The following FAM135A variants were observed in gnomAD, a reference collection of about 807,000 sequenced individuals.
FAM135A encodes protein FAM135A.
In FAM135A, 79 loss-of-function variants were observed where a neutral mutation model predicts 146.8. The ratio of observed to expected loss-of-function variants is 0.54; its 90% CI spans 0.45 to 0.65. FAM135A has a LOEUF of 0.65. FAM135A is among the 30% of genes least tolerant of loss of function. The probability of loss-of-function intolerance (pLI) is 0.00; values close to 1 mark genes in which losing one functional copy is unlikely to be tolerated. For missense variants in FAM135A, 1,623 were observed against 1,758.2 expected (o/e 0.92, Z 1.38); for synonymous variants, 562 against 603.6 (o/e 0.93, Z 1.01).
At chr6:70,487,038 G>A (rs1341462849) in intron 10 of FAM135A, among the ~76,000 whole-genome samples, 10 of 134,920 alleles carry the variant, frequency 7.4e-5, no homozygotes, top group South Asian at 2.3e-4. Flanking sequence ...AGCCAAGATC[G>A]TGCCACTGCA....
At position 70,503,879 on chromosome 6, in the gene FAM135A, T is replaced by A. The variant is rs896875710; in HGVS notation, c.1029+1088T>A. On this transcript the variant is annotated intron_variant, in intron 12 of 21. Coordinates refer to ENST00000418814, the MANE Select transcript of FAM135A (RefSeq NM_001162529.3). The stretch of plus-strand genomic sequence containing the variant: ...CTCCATTTGAATATACCCACATTTA[T>A]TTATCCATTCTACTGTTGATAGATT... 2.0e-5 allele frequency: 3 copies of A among 152,226 alleles called. No homozygotes were observed. In the South Asian group the frequency reaches 6.2e-4, roughly 32 times the overall value. 9.4% of individuals were successfully genotyped at this position (152,226 alleles called of 1,614,324 possible).
intron 12 of FAM135A, among the ~76,000 whole-genome samples, 198 bp from the exon 13 acceptor site, chr6:70,522,315 A>G (rs781596963): frequency 1.9e-5 from 2 of 103,926 alleles, no homozygotes; most frequent in Non-Finnish European, 4.2e-5. Context: ...ATAATAGTTT[A>G]TATTTATATA....
intron 1 of FAM135A, among the ~76,000 whole-genome samples, chr6:70,414,669 C>T (rs566793653): frequency 6.6e-6 from 1 of 152,330 alleles, no homozygotes; most frequent in South Asian, 2.1e-4. Context: ...AGTTCATCTT[C>T]CAGTTTAATA....
rs1230428191 is a variant in FAM135A at position 70,502,885 on chromosome 6, A to G, written c.1029+94A>G. On this transcript the variant is annotated intron_variant, in intron 12 of 21. Transcript: ENST00000418814. ...AAACAAACCTGATTTTTACCTATAT[A>G]TTGATAAATCAGAAAAGAGACATTT... 8 of 1,252,202 alleles carry G rather than the reference A, an allele frequency of 6.4e-6. No individual in the cohort carries two copies. The South Asian group carries it at 9.9e-5, about 15-fold the overall frequency. 77.6% of individuals were successfully genotyped at this position (1,252,202 alleles called of 1,614,324 possible). A position where few individuals can be genotyped will look rare whatever the true frequency, so the allele number is the denominator to read the frequency against.
At chr6:70,501,729 G>A (rs1788595487) in intron 11 of FAM135A, among the ~76,000 whole-genome samples, 1 of 152,142 alleles carries the variant, frequency 6.6e-6, no homozygotes, top group African/African-American at 2.4e-5. Flanking sequence ...GGCTTGGGGA[G>A]GGAGGTCCCC....
intron 5 of FAM135A, among the ~76,000 whole-genome samples, chr6:70,463,199 C>T (rs1011875411): frequency 7.9e-5 from 12 of 152,054 alleles, no homozygotes; most frequent in African/African-American, 2.9e-4. Flanking sequence ...TTTTTAAAAC[C>T]GTAGGTAACT....
chr6:70,529,132 T>G (rs1455538880), intron 16 of FAM135A, among the ~76,000 whole-genome samples: 1 of 152,126 alleles, frequency 6.6e-6, no homozygotes, highest in African/African-American at 2.4e-5. Flanking sequence ...ACCTGGCTGC[T>G]TTAAACTTTG....
At chr6:70,510,990 G>A (rs531591380) in intron 12 of FAM135A, among the ~76,000 whole-genome samples, 45 of 151,998 alleles carry the variant, frequency 3.0e-4, no homozygotes, top group African/African-American at 1.1e-3. Context: ...GAGTGAGATG[G>A]TATTTTCATT....
intron 5 of FAM135A, among the ~76,000 whole-genome samples, chr6:70,471,481 T>C (rs1781595335): frequency 6.6e-6 from 1 of 152,128 alleles, no homozygotes; most frequent in African/African-American, 2.4e-5. Context: ...ACATTACACA[T>C]GTTCTCACTT....
At chr6:70,447,566 G>A (rs1776049176) in intron 4 of FAM135A, among the ~76,000 whole-genome samples, 1 of 152,172 alleles carries the variant, frequency 6.6e-6, no homozygotes, top group Non-Finnish European at 1.5e-5. Flanking sequence ...AATCTACTGG[G>A]GCACTACCGG....
chr6:70,435,824 A>G (rs1473057730), intron 4 of FAM135A, among the ~76,000 whole-genome samples: 2 of 152,210 alleles, frequency 1.3e-5, no homozygotes, highest in African/African-American at 4.8e-5. Context: ...TTTTATTGAC[A>G]TTGATTACAA....
chr6:70,545,750 T>C (rs993429731), intron 20 of FAM135A, among the ~76,000 whole-genome samples: 3 of 152,222 alleles, frequency 2.0e-5, no homozygotes, highest in African/African-American at 4.8e-5. Flanking sequence ...CACATACATA[T>C]TAGCTTATTT....
At chr6:70,512,925 C>A (rs978639414) in intron 12 of FAM135A, among the ~76,000 whole-genome samples, 1 of 151,378 alleles carries the variant, frequency 6.6e-6, no homozygotes, top group Non-Finnish European at 1.5e-5. Flanking sequence ...CATTTAGGAC[C>A]ATGGGTCATC....
chr6:70,517,189 T>C (rs185669308), intron 12 of FAM135A, among the ~76,000 whole-genome samples: 1 of 152,310 alleles, frequency 6.6e-6, no homozygotes, highest in East Asian at 1.9e-4. Context: ...CAATATTTTA[T>C]CACCTTTATG....
intron 5 of FAM135A, among the ~76,000 whole-genome samples, chr6:70,458,450 G>A (rs188535438): frequency 1.3e-3 from 195 of 152,204 alleles, no homozygotes; most frequent in Admixed American, 2.2e-3. Context: ...TATGTGCAAA[G>A]CCTTTCCAAT....
At chr6:70,510,060 G>C (rs911780927) in intron 12 of FAM135A, among the ~76,000 whole-genome samples, 4 of 151,934 alleles carry the variant, frequency 2.6e-5, no homozygotes, top group Admixed American at 2.6e-4. Flanking sequence ...AATTTAAAGA[G>C]AACATGCCAT....
intron 12 of FAM135A, among the ~76,000 whole-genome samples, chr6:70,520,606 T>C (rs1793347940): frequency 6.6e-6 from 1 of 152,200 alleles, no homozygotes; most frequent in Admixed American, 6.5e-5. Flanking sequence ...TTTTTTTTAA[T>C]TGGGCACACA....
Position 70,480,932 on chromosome 6 carries a change from A to G in FAM135A, c.574A>G (p.Asn192Asp). ...FPRPVKTTWL[N>D]RNAPAQNKDS... Reference sequence around the variant, plus strand: ...TCGCCCTGTGAAGACAACTTGGTTAAATAGAAATGCACCAGCACAAAACAA... The same window carrying G: ...TCGCCCTGTGAAGACAACTTGGTTAGATAGAAATGCACCAGCACAAAACAA... The change falls in exon 9 of 22, where the codon AAT becomes GAT. Residue 192 changes from asparagine (N) to aspartate (D), a missense_variant. By Grantham distance (23) the Asn-to-Asp change is conservative. Transcript: ENST00000418814. The G allele has an allele frequency of 6.2e-7, 1 of 1,612,332 alleles. No homozygotes were observed. Among genetic ancestry groups the G allele is most frequent in the Non-Finnish European group, 8.5e-7 (1 of 1,179,218 alleles).
At chr6:70,422,053 G>A (rs1768966600) in intron 2 of FAM135A, among the ~76,000 whole-genome samples, 1 of 152,178 alleles carries the variant, frequency 6.6e-6, no homozygotes, top group Admixed American at 6.5e-5. Context: ...AAGAGATTTT[G>A]CACTGTTCGC....
Sources: gnomAD v4.1 joint callset for allele counts (sites outside exome capture counted in the v4.1 genomes callset) on GRCh38, gnomAD v4.1.1 for gene constraint, MANE v1.5 for transcripts, NCBI Gene and HGNC (gene_info 2026-07-23, HGNC 2026-07-21) for gene names.